The following RABGAP1L variants were observed in gnomAD, a reference collection of about 807,000 sequenced individuals.
RABGAP1L encodes RAB GTPase activating protein 1 like, also known as rab GTPase-activating protein 1-like.
RABGAP1L carries 63 observed loss-of-function variants against 137.7 expected under a neutral mutation model. The ratio of observed to expected loss-of-function variants is 0.46; its 90% CI spans 0.37 to 0.56. RABGAP1L has a LOEUF of 0.56. RABGAP1L is among the 20% of genes least tolerant of loss of function. RABGAP1L has a pLI of 0.00. For synonymous variants in RABGAP1L, 431 were observed against 433.7 expected (o/e 0.99, Z 0.08); for missense variants, 1,095 against 1,244.0 (o/e 0.88, Z 1.80).
At position 174,164,600 on chromosome 1, in the gene RABGAP1L, A is replaced by G. The variant is rs147979354; in HGVS notation, c.-34+4943A>G. Among the ~76,000 whole-genome samples the G allele has an allele frequency of 2.5e-3, 381 of 152,250 alleles. 2 individuals are homozygous for G. Among genetic ancestry groups the G allele is most frequent in the African/African-American group, 8.4e-3 (348 of 41,536 alleles). On this transcript the variant is annotated intron_variant, in intron 1 of 25. Coordinates refer to ENST00000681986, the MANE Select transcript of RABGAP1L (RefSeq NM_001366446.1). ...AGTGACATCATGTTGGTAGCTCAAAATTGGTCATGGTGGGAATATTTACAC... is the reference window on the plus strand; with the variant it reads ...AGTGACATCATGTTGGTAGCTCAAAGTTGGTCATGGTGGGAATATTTACAC...
intron 19 of RABGAP1L, among the ~76,000 whole-genome samples, chr1:174,887,096 C>T (rs946300523): frequency 2.6e-5 from 4 of 152,208 alleles, no homozygotes; most frequent in South Asian, 2.1e-4. Flanking sequence ...CGAGCCACCA[C>T]GCCTGGCCTC....
intron 11 of RABGAP1L, among the ~76,000 whole-genome samples, chr1:174,360,759 T>G (rs1684067424): frequency 6.6e-6 from 1 of 152,164 alleles, no homozygotes; most frequent in Admixed American, 6.5e-5. Flanking sequence ...TCCCCATAAA[T>G]TCTTGATTTT....
chr1:174,835,877 C>T (rs1012635464), intron 19 of RABGAP1L, among the ~76,000 whole-genome samples: 1 of 152,162 alleles, frequency 6.6e-6, no homozygotes, highest in Admixed American at 6.6e-5. Flanking sequence ...ATGCAGCTTT[C>T]ATGCTGTCTA....
At chr1:174,284,787 G>A (rs1275741977) in intron 10 of RABGAP1L, among the ~76,000 whole-genome samples, 5 of 131,458 alleles carry the variant, frequency 3.8e-5, no homozygotes, top group Admixed American at 3.3e-4. Flanking sequence ...ATGTTGCCCA[G>A]GCTGGTCTCC....
At chr1:174,419,064 A>C (rs1286983886) in intron 13 of RABGAP1L, among the ~76,000 whole-genome samples, 1 of 152,138 alleles carries the variant, frequency 6.6e-6, no homozygotes, top group African/African-American at 2.4e-5. Context: ...TTAAGAATAC[A>C]ATATAAGGTA....
chr1:174,277,946 A>G (rs1411550421), intron 9 of RABGAP1L, among the ~76,000 whole-genome samples: 1 of 152,048 alleles, frequency 6.6e-6, no homozygotes, highest in African/African-American at 2.4e-5. Context: ...GTTATATAAT[A>G]TTTAAAAACA....
At chr1:174,748,652 C>A (rs1209334611) in intron 17 of RABGAP1L, among the ~76,000 whole-genome samples, 1 of 151,720 alleles carries the variant, frequency 6.6e-6, no homozygotes, top group East Asian at 1.9e-4. Context: ...AGGAGGGTTG[C>A]TTGAGGCCAG....
intron 13 of RABGAP1L, among the ~76,000 whole-genome samples, chr1:174,615,525 G>C (rs973246030): frequency 6.6e-6 from 1 of 152,208 alleles, no homozygotes; most frequent in Non-Finnish European, 1.5e-5. Flanking sequence ...AGGGGTCAGG[G>C]GTCAGGGACC....
intron 13 of RABGAP1L, among the ~76,000 whole-genome samples, chr1:174,457,372 T>C (rs1419620556): frequency 1.3e-5 from 2 of 152,190 alleles, no homozygotes; most frequent in African/African-American, 4.8e-5. Flanking sequence ...AATCATCATT[T>C]TAGGTATAAA....
rs930336683 is a variant in RABGAP1L at position 174,994,317 on chromosome 1, G to A, written c.*4316G>A. 11 of 152,182 alleles carry A rather than the reference G, an allele frequency of 7.2e-5. No homozygotes were observed. The highest frequency in any genetic ancestry group is 2.4e-4 in the African/African-American group (10 of 41,420). The allele number at this position is 152,182 out of a possible 1,614,324, so 9.4% of individuals were successfully genotyped here. The stretch of plus-strand genomic sequence containing the variant: ...TTTTAGTGACTGCAGTCAGCTGTCT[G>A]GCATTCCTTTCTCAGTTTGCATCTA... On this transcript the variant is annotated 3_prime_UTR_variant, in exon 26 of 26. Transcript: ENST00000681986.
At chr1:174,835,927 C>T (rs1451666832) in intron 19 of RABGAP1L, among the ~76,000 whole-genome samples, 2 of 152,116 alleles carry the variant, frequency 1.3e-5, no homozygotes, top group Admixed American at 6.6e-5. Context: ...AAAGTGACCT[C>T]GGAAGCCACA....
At chr1:174,563,293 A>T (rs143420508) in intron 13 of RABGAP1L, among the ~76,000 whole-genome samples, 1 of 152,198 alleles carries the variant, frequency 6.6e-6, no homozygotes, top group Non-Finnish European at 1.5e-5. Flanking sequence ...AAAGATTTCA[A>T]TTTGCACAAG....
intron 25 of RABGAP1L, 65 bp from the exon 26 acceptor site, chr1:174,989,784 T>C: frequency 6.7e-7 from 1 of 1,502,452 alleles, no homozygotes; most frequent in South Asian, 1.2e-5. Context: ...GCTGCACACT[T>C]TTATTTATTT....
chr1:174,238,450 G>A (rs1413303000), intron 4 of RABGAP1L, among the ~76,000 whole-genome samples: 1 of 152,128 alleles, frequency 6.6e-6, no homozygotes, highest in Non-Finnish European at 1.5e-5. Context: ...GGTTTTTGGT[G>A]TGGATGTCCT....
At chr1:174,390,412 A>T (rs1389879331) in intron 12 of RABGAP1L, among the ~76,000 whole-genome samples, 2 of 152,206 alleles carry the variant, frequency 1.3e-5, no homozygotes, top group Non-Finnish European at 2.9e-5. Context: ...CTTAAGGAGT[A>T]TGTTTATGTA....
chr1:174,910,944 C>T (rs1659954721), intron 19 of RABGAP1L, among the ~76,000 whole-genome samples: 2 of 152,318 alleles, frequency 1.3e-5, no homozygotes, highest in African/African-American at 4.8e-5. Flanking sequence ...AATTTCTCCA[C>T]TCTTCACTAA....
At chr1:174,229,735 A>C (rs1225513188) in intron 3 of RABGAP1L, among the ~76,000 whole-genome samples, 1 of 152,186 alleles carries the variant, frequency 6.6e-6, no homozygotes, top group Non-Finnish European at 1.5e-5. Flanking sequence ...ATACATGTGC[A>C]TGTGTCTTTA....
chr1:174,721,089 T>C (rs1681494355), intron 17 of RABGAP1L, among the ~76,000 whole-genome samples: 1 of 152,218 alleles, frequency 6.6e-6, no homozygotes, highest in African/African-American at 2.4e-5. Flanking sequence ...AAATACTGAT[T>C]TAACAGTTGT....
intron 18 of RABGAP1L, among the ~76,000 whole-genome samples, chr1:174,783,748 C>T (rs143160637): frequency 0.012 from 1,759 of 140,818 alleles, 43 homozygotes; most frequent in African/African-American, 0.042. Context: ...CTCACTCTGC[C>T]GCCAGGCTGG....
Sources: gnomAD v4.1 joint callset for allele counts (sites outside exome capture counted in the v4.1 genomes callset) on GRCh38, gnomAD v4.1.1 for gene constraint, MANE v1.5 for transcripts, NCBI Gene and HGNC (gene_info 2026-07-23, HGNC 2026-07-21) for gene names.